The following PUM2 variants were observed in gnomAD, a reference collection of about 807,000 sequenced individuals.
The protein encoded by PUM2 is pumilio RNA binding family member 2, also known as pumilio homolog 2.
A neutral mutation model predicts 124.5 loss-of-function variants in PUM2; 57 were observed. The observed-to-expected ratio is 0.46, with a 90% CI of 0.37 to 0.57. The LOEUF (loss-of-function observed/expected upper bound fraction) is 0.57. PUM2 is among the 20% of genes least tolerant of loss of function. PUM2 has a pLI of 0.00. For missense variants in PUM2, 1,065 were observed against 1,290.6 expected (o/e 0.83, Z 2.68); for synonymous variants, 460 against 446.1 (o/e 1.03, Z -0.39).
At chr2:20,297,436 A>T (rs1022473226) in intron 8 of PUM2, 117 bp downstream of exon 8, 22 of 1,005,618 alleles carry the variant, frequency 2.2e-5, no homozygotes, top group Non-Finnish European at 2.9e-5. Flanking sequence ...ATTCTGGATA[A>T]TGTTTCAGTT....
intron 1 of PUM2, among the ~76,000 whole-genome samples, chr2:20,328,346 A>C (rs994519428): frequency 2.0e-5 from 3 of 152,194 alleles, no homozygotes; most frequent in African/African-American, 4.8e-5. Flanking sequence ...AACAAACAAA[A>C]AAAACACAAA....
At chr2:20,334,705 G>C (rs1305767248) in intron 1 of PUM2, among the ~76,000 whole-genome samples, 2 of 152,138 alleles carry the variant, frequency 1.3e-5, no homozygotes, top group African/African-American at 4.8e-5. Flanking sequence ...AATGAACAAG[G>C]CTTTCGCTTA....
Position 20,263,429 on chromosome 2 carries a change from G to T in PUM2, c.1989C>A (p.Ile663=), listed in dbSNP as rs1364747113. Residue 663 remains isoleucine (I), a synonymous_variant, in exon 14 of 21, where the codon ATC becomes ATA. Transcript: ENST00000361078. ...TTGCTTCTGCTCCAGGTGCTGCAGA[G>T]ATATATCGACCACTACCATTTGTCA... The part of the protein sequence containing the change: ...GGLTNGSGRY[I]SAAPGAEAKY... The T allele has an allele frequency of 6.2e-7, 1 of 1,613,658 alleles. No individual in the cohort carries two copies. Among genetic ancestry groups the T allele is most frequent in the Non-Finnish European group, 8.5e-7 (1 of 1,179,666 alleles).
rs561085112 is a variant in PUM2, at chr2:20,309,429, T to A, written c.519-845A>T. 5.9e-4 allele frequency among the ~76,000 whole-genome samples: 83 copies of A among 139,776 alleles called. 2 individuals carry two copies. The East Asian group carries it at 7.9e-3, about 13-fold the overall frequency. 91.7% of individuals were successfully genotyped at this position (139,776 alleles called of 152,430 possible). A position where few individuals can be genotyped will look rare whatever the true frequency, so the allele number is the denominator to read the frequency against. ...CAGCAAGAAAAGGATCTTTCTACAT[T>A]AAAAAAAAAAAAAAGGACCTTACTA... On this transcript the variant is annotated intron_variant, in intron 5 of 20. Transcript: ENST00000361078.
chr2:20,258,781 C>T (rs1372923699), intron 15 of PUM2, among the ~76,000 whole-genome samples: 1 of 151,000 alleles, frequency 6.6e-6, no homozygotes, highest in Non-Finnish European at 1.5e-5. Flanking sequence ...CATTCTCCTG[C>T]CTCAGCCTCC....
chr2:20,295,518 G>C (rs140066680), intron 8 of PUM2, among the ~76,000 whole-genome samples: 1 of 151,334 alleles, frequency 6.6e-6, no homozygotes, highest in Non-Finnish European at 1.5e-5. Context: ...TTAAAACACC[G>C]AATAGAGTTT....
intron 12 of PUM2, among the ~76,000 whole-genome samples, chr2:20,281,039 T>C (rs1434723193): frequency 6.6e-6 from 1 of 152,196 alleles, no homozygotes; most frequent in African/African-American, 2.4e-5. Flanking sequence ...TATTATGTTT[T>C]AGAGCTCATG....
At position 20,256,189 on chromosome 2, in the gene PUM2, C is replaced by A; in HGVS notation, c.2485-19G>T. 6.4e-7 allele frequency: 1 copy of A among 1,564,702 alleles called. No homozygotes were observed. The highest frequency in any genetic ancestry group is 1.2e-5 in the South Asian group (1 of 80,318). Reference sequence around the variant, plus strand: ...TTTCACTCTGCAAAAGACAGGATGTCATTTAAATTATTACCTCAAACGAGA... The same window carrying A: ...TTTCACTCTGCAAAAGACAGGATGTAATTTAAATTATTACCTCAAACGAGA... On this transcript the variant is annotated intron_variant, in intron 16 of 20. Coordinates refer to ENST00000361078, the MANE Select transcript of PUM2 (RefSeq NM_015317.5).
intron 13 of PUM2, among the ~76,000 whole-genome samples, chr2:20,278,028 AC>A (rs1257538231): frequency 6.6e-6 from 1 of 152,184 alleles, no homozygotes; most frequent in Non-Finnish European, 1.5e-5. Flanking sequence ...CAGGGGTACA[AC>A]AAGCCTAAAA....
intron 9 of PUM2, among the ~76,000 whole-genome samples, chr2:20,293,554 G>GA (rs1674750226): frequency 6.6e-6 from 1 of 151,876 alleles, no homozygotes; most frequent in Admixed American, 6.6e-5. Flanking sequence ...AATAAAAATA[G>GA]AAAAAATTAG....
At chr2:20,256,238 G>T in intron 16 of PUM2, 68 bp from the exon 17 acceptor site, 1 of 1,396,916 alleles carries the variant, frequency 7.2e-7, no homozygotes, top group Non-Finnish European at 9.5e-7. Context: ...TTTTATCTCA[G>T]TATTAAAAAT....
rs1049253610 is a variant in PUM2 at position 20,257,853 on chromosome 2, A to T, written c.2484+390T>A. Reference sequence around the variant, plus strand: ...ATATTTTTAAAAAAAACATTTTCATATATGTAAATAAAACTGACATATAGT... The same window carrying T: ...ATATTTTTAAAAAAAACATTTTCATTTATGTAAATAAAACTGACATATAGT... On this transcript the variant is annotated intron_variant, in intron 16 of 20. Transcript: ENST00000361078. Among the ~76,000 whole-genome samples the T allele has an allele frequency of 2.2e-4, 33 of 152,316 alleles. 1 individual carries two copies. The East Asian group carries it at 6.2e-3, about 28-fold the overall frequency.
At chr2:20,255,817 A>G (rs1337651353) in intron 17 of PUM2, among the ~76,000 whole-genome samples, 1 of 152,160 alleles carries the variant, frequency 6.6e-6, no homozygotes, top group Non-Finnish European at 1.5e-5. Context: ...TACTTCTTAA[A>G]GTAATGTGAT....
chr2:20,295,964 T>C (rs1675429915), intron 8 of PUM2, among the ~76,000 whole-genome samples: 1 of 152,202 alleles, frequency 6.6e-6, no homozygotes, highest in African/African-American at 2.4e-5. Context: ...ATACACAAAC[T>C]AAATGACCTC....
intron 13 of PUM2, among the ~76,000 whole-genome samples, chr2:20,273,341 G>C (rs991297414): frequency 3.3e-5 from 5 of 152,130 alleles, no homozygotes; most frequent in East Asian, 1.9e-4. Context: ...AGTCTACTAC[G>C]AGGCATTTTA....
intron 12 of PUM2, among the ~76,000 whole-genome samples, chr2:20,279,128 C>CAA (rs1176587608): frequency 6.6e-6 from 1 of 152,092 alleles, no homozygotes; most frequent in African/African-American, 2.4e-5. Flanking sequence ...CCTGGAATTG[C>CAA]AAGTTGTCTG....
intron 7 of PUM2, among the ~76,000 whole-genome samples, chr2:20,303,546 G>A (rs1677507115): frequency 6.6e-6 from 1 of 150,868 alleles, no homozygotes; most frequent in Admixed American, 6.6e-5. Context: ...ATAATGCTGA[G>A]TTTTGCCCAG....
rs200504772 is a variant in PUM2, at chr2:20,336,176, CGTTTTTTT to C, written c.-18-8806_-18-8799del. 4.9e-4 allele frequency among the ~76,000 whole-genome samples: 73 copies of C among 150,120 alleles called. 1 individual carries two copies. Among genetic ancestry groups the C allele is most frequent in the Non-Finnish European group, 8.4e-4 (57 of 67,690 alleles). ...AAAACTGTTTACATAACACAAAAAG[CGTTTTTTT>C]GTTTTTTTGTTTGTTTTTTTTTGAG... On this transcript the variant is annotated intron_variant, in intron 1 of 20. Transcript: ENST00000361078.
chr2:20,300,202 T>G (rs1001446214), intron 7 of PUM2, among the ~76,000 whole-genome samples: 4 of 151,748 alleles, frequency 2.6e-5, no homozygotes, highest in Admixed American at 6.6e-5. Flanking sequence ...CAGGTTGGAG[T>G]GCAGTAGCAC....
Sources: allele counts gnomAD v4.1 joint callset (sites outside exome capture counted in the v4.1 genomes callset), GRCh38; gene constraint gnomAD v4.1.1; transcripts MANE v1.5; gene names NCBI Gene and HGNC (gene_info 2026-07-23, HGNC 2026-07-21).